Variants in MAOA observed in about 807,000 individuals in gnomAD.
MAOA encodes amine oxidase [flavin-containing] A.
In MAOA, 6 loss-of-function variants were observed where a neutral mutation model predicts 42.0. The observed-to-expected ratio is 0.14, with a 90% CI of 0.08 to 0.28. The LOEUF (loss-of-function observed/expected upper bound fraction) is 0.28. MAOA is among the 10% of genes least tolerant of loss of function. MAOA has a pLI of 1.00. For missense variants in MAOA, 262 were observed against 422.3 expected (o/e 0.62, Z 3.33); for synonymous variants, 140 against 154.0 (o/e 0.91, Z 0.67).
At chrX:43,744,200 C>T (rs2033982208) in intron 14 of MAOA, 29 bp downstream of exon 14, 1 of 1,165,431 alleles carries the variant, frequency 8.6e-7, no homozygotes, top group African/African-American at 1.8e-5. Flanking sequence ...GGCACTATCT[C>T]TCCTTAGACC....
chrX:43,666,174 AG>A (rs1229998728), intron 1 of MAOA, among the ~76,000 whole-genome samples: 2 of 112,212 alleles, frequency 1.8e-5, no homozygotes, highest in African/African-American at 6.5e-5. Flanking sequence ...TGCAACGTGC[AG>A]GCTCCATCCT....
chrX:43,713,990 G>A (rs2033718227), intron 5 of MAOA, among the ~76,000 whole-genome samples: 1 of 111,149 alleles, frequency 9.0e-6, no homozygotes, highest in Admixed American at 9.6e-5. Flanking sequence ...GAGAAAGACA[G>A]GAAGGGTGGA....
chrX:43,743,545 G>T (rs1396158316), intron 12 of MAOA, among the ~76,000 whole-genome samples: 1 of 112,039 alleles, frequency 8.9e-6, no homozygotes, highest in Admixed American at 9.4e-5. Context: ...GGCTGGCTTG[G>T]AAAAGATCAA....
In MAOA at chrX:43,745,762, T is replaced by C. The variant is rs1389137232; in HGVS notation, c.*1249T>C. The C allele has an allele frequency of 8.9e-6, 1 of 111,806 alleles. No homozygotes were observed. Among genetic ancestry groups the C allele is most frequent in the African/African-American group, 3.3e-5 (1 of 30,756 alleles). 9.2% of individuals were successfully genotyped at this position (111,806 alleles called of 1,213,427 possible). On this transcript the variant is annotated 3_prime_UTR_variant, in exon 15 of 15. Coordinates refer to ENST00000338702, the MANE Select transcript of MAOA (RefSeq NM_000240.4). ...GTGCCCACCTCTTGTTTTCCCCTTT[T>C]AAAAACTCAGATTTTTAAAAGCCCT...
intron 3 of MAOA, among the ~76,000 whole-genome samples, chrX:43,700,382 T>C (rs1406732467): frequency 1.8e-5 from 2 of 112,220 alleles, no homozygotes; most frequent in African/African-American, 6.5e-5. Context: ...GCTCTGAAGT[T>C]GTAAGATGCC....
intron 6 of MAOA, among the ~76,000 whole-genome samples, chrX:43,730,482 C>T (rs1264731390): frequency 9.4e-6 from 1 of 106,469 alleles, no homozygotes; most frequent in East Asian, 2.9e-4. Flanking sequence ...TCTGATATTC[C>T]GAATCTTTTT....
In MAOA at chrX:43,712,699, C is replaced by G. The variant is rs369122751; in HGVS notation, c.412-6C>G. ...AAACCTGAGAGGGGACTTCCTTTCT[C>G]TACAGATTCCAACTGATGCACCCTG... is the stretch of plus-strand genomic sequence containing the variant. On this transcript the variant is annotated splice_polypyrimidine_tract_variant and splice_region_variant and intron_variant, in intron 4 of 14. Coordinates refer to ENST00000338702, the MANE Select transcript of MAOA (RefSeq NM_000240.4). The G allele has an allele frequency of 2.0e-4, 234 of 1,181,125 alleles. No individual in the cohort carries two copies. Among genetic ancestry groups the G allele is most frequent in the Non-Finnish European group, 2.6e-4 (228 of 869,741 alleles).
At chrX:43,728,442 C>G in intron 6 of MAOA, 128 bp downstream of exon 6, 4 of 781,358 alleles carry the variant, frequency 5.1e-6, no homozygotes, top group Non-Finnish European at 7.5e-6. Context: ...GAAATGATCT[C>G]AAAAGATTTT....
intron 2 of MAOA, among the ~76,000 whole-genome samples, chrX:43,684,900 G>A (rs1435479173): frequency 3.5e-5 from 3 of 86,269 alleles, no homozygotes; most frequent in Non-Finnish European, 6.6e-5. Flanking sequence ...TTTTTGAGAC[G>A]GTGTTTTGCT....
At position 43,674,514 on chromosome X, in the gene MAOA, G is replaced by A. The variant is rs1417985832; in HGVS notation, c.74-8999G>A. Among the ~76,000 whole-genome samples, 460 of 110,029 alleles carry A rather than the reference G, an allele frequency of 4.2e-3. 3 individuals are homozygous for A. Among genetic ancestry groups the A allele is most frequent in the African/African-American group, 0.015 (441 of 30,343 alleles). ...ATGATGTTAGCTGGTTATTTTGCTCGTTAGTTGATGCAGTTTCTTCCTAGT... is the reference window on the plus strand; with the variant it reads ...ATGATGTTAGCTGGTTATTTTGCTCATTAGTTGATGCAGTTTCTTCCTAGT... On this transcript the variant is annotated intron_variant, in intron 1 of 14. Transcript: ENST00000338702.
chrX:43,689,057 T>G (rs1361409602), intron 2 of MAOA, among the ~76,000 whole-genome samples: 2 of 111,199 alleles, frequency 1.8e-5, no homozygotes, highest in African/African-American at 6.5e-5. Context: ...AATTTTAGAT[T>G]CAGGGGGTAC....
intron 1 of MAOA, among the ~76,000 whole-genome samples, chrX:43,674,732 C>A: frequency 9.0e-6 from 1 of 110,792 alleles, no homozygotes; most frequent in Middle Eastern, 4.7e-3. Flanking sequence ...ATATGAAATT[C>A]TGGGTTGAAA....
chrX:43,729,092 G>A (rs1326898156), intron 6 of MAOA, among the ~76,000 whole-genome samples: 1 of 112,313 alleles, frequency 8.9e-6, no homozygotes, highest in Non-Finnish European at 1.9e-5. Flanking sequence ...ACAGTACAAG[G>A]TATAGAGTCT....
intron 1 of MAOA, among the ~76,000 whole-genome samples, chrX:43,658,874 T>C (rs2033210054): frequency 8.9e-6 from 1 of 111,998 alleles, no homozygotes; most frequent in South Asian, 3.7e-4. Context: ...GAAGCATCAC[T>C]TCCCAAGCAT....
At chrX:43,685,031 C>CA (rs1263476337) in intron 2 of MAOA, among the ~76,000 whole-genome samples, 6 of 108,572 alleles carry the variant, frequency 5.5e-5, no homozygotes, top group Non-Finnish European at 1.1e-4. Flanking sequence ...GCACCCCCCC[C>CA]ACCACGCCAG....
Position 43,721,823 on chromosome X carries a change from A to G in MAOA, c.504-6350A>G, listed in dbSNP as rs2033792332. Among the ~76,000 whole-genome samples, 3 of 110,306 alleles carry G rather than the reference A, an allele frequency of 2.7e-5. No individual in the cohort carries two copies. The South Asian group carries it at 1.2e-3, about 44-fold the overall frequency. On this transcript the variant is annotated intron_variant, in intron 5 of 14. Transcript: ENST00000338702. ...TCATTTACATTAGGCATTTCTCCTA[A>G]TGCTATCCCTCCCTGAGCCCCCCAT...
intron 1 of MAOA, among the ~76,000 whole-genome samples, chrX:43,670,602 C>G (rs1472980419): frequency 1.4e-5 from 1 of 70,025 alleles, no homozygotes; most frequent in Non-Finnish European, 2.6e-5. Flanking sequence ...CCCCCCTCCC[C>G]CCACCCCACA....
chrX:43,692,027 A>ACACACACACACACACGCACG (rs2033538578), intron 2 of MAOA, among the ~76,000 whole-genome samples: 2 of 66,891 alleles, frequency 3.0e-5, no homozygotes, highest in East Asian at 7.3e-4. Flanking sequence ...ACACACACAC[A>ACACACACACACACACGCACG]CACACACACA....
chrX:43,715,486 C>T (rs1005136556), intron 5 of MAOA, among the ~76,000 whole-genome samples: 3 of 109,462 alleles, frequency 2.7e-5, no homozygotes, highest in East Asian at 2.9e-4. Flanking sequence ...GATATTGGGC[C>T]GCGGATAACT....
Sources: allele counts gnomAD v4.1 joint callset (sites outside exome capture counted in the v4.1 genomes callset), GRCh38; gene constraint gnomAD v4.1.1; transcripts MANE v1.5; gene names NCBI Gene and HGNC (gene_info 2026-07-23, HGNC 2026-07-21).